Variants in DENND4A observed in about 807,000 individuals in gnomAD.
DENND4A encodes C-myc promoter-binding protein.
Under a neutral mutation model 199.3 loss-of-function variants are expected in DENND4A, and 70 were observed. The ratio of observed to expected loss-of-function variants is 0.35; its 90% CI spans 0.29 to 0.43. DENND4A has a LOEUF of 0.43. DENND4A is among the 20% of genes least tolerant of loss of function. The pLI, the probability that DENND4A is intolerant of heterozygous loss-of-function variation, is 1.00. For synonymous variants in DENND4A, 686 were observed against 766.9 expected (o/e 0.89, Z 1.74); for missense variants, 1,723 against 2,255.8 (o/e 0.76, Z 4.78).
chr15:65,759,870 T>C (rs1249512048), intron 2 of DENND4A, among the ~76,000 whole-genome samples: 1 of 152,276 alleles, frequency 6.6e-6, no homozygotes, highest in Non-Finnish European at 1.5e-5. Context: ...TTTTATTTTA[T>C]GGATATACCA....
intron 23 of DENND4A, among the ~76,000 whole-genome samples, chr15:65,679,458 T>C (rs1056486960): frequency 2.6e-5 from 4 of 152,216 alleles, no homozygotes; most frequent in Admixed American, 2.0e-4. Flanking sequence ...GTGTTTGCTA[T>C]AGTTTTTTGA....
chr15:65,723,836 C>T (rs573260468), intron 11 of DENND4A, among the ~76,000 whole-genome samples: 1 of 152,250 alleles, frequency 6.6e-6, no homozygotes, highest in South Asian at 2.1e-4. Context: ...TACTTTCAGA[C>T]TATAGTTGGC....
In DENND4A at chr15:65,691,364, T is replaced by C; in HGVS notation, c.3230A>G (p.Asn1077Ser). 1 of 1,613,634 alleles carries C rather than the reference T, an allele frequency of 6.2e-7. No individual in the cohort carries two copies. Residue 1077 changes from asparagine to serine, a missense_variant, in exon 23 of 33, where the codon AAT becomes AGT. Coordinates refer to ENST00000443035, the MANE Select transcript of DENND4A (RefSeq NM_001320835.1). ...QQVVWGNRNRNLSGGVLMGFM... is the reference protein window; with the variant it reads ...QQVVWGNRNRSLSGGVLMGFM... ...TCCCATCAGTACCCCTCCACTAAGA[T>C]TACGGTTTCTATTTCCCCAGACCAC... is the stretch of plus-strand genomic sequence containing the variant.
At position 65,693,213 on chromosome 15, in the gene DENND4A, T is replaced by G. The variant is rs183736524; in HGVS notation, c.3083-1702A>C. Among the ~76,000 whole-genome samples, 103 of 152,252 alleles carry G rather than the reference T, an allele frequency of 6.8e-4. 1 individual carries two copies. The Middle Eastern group carries it at 0.017, about 25-fold the overall frequency. On this transcript the variant is annotated intron_variant, in intron 22 of 32. Transcript: ENST00000443035. ...GGCTCTATGACATAATTCCGGCCAG[T>G]GATATTAAGGTATAGTTTTTGAGGG...
intron 29 of DENND4A, 47 bp downstream of exon 29, chr15:65,667,402 C>T: frequency 6.3e-7 from 1 of 1,576,550 alleles, no homozygotes; most frequent in Non-Finnish European, 8.7e-7. Context: ...GCAAACATTA[C>T]AATGGTAACA....
chr15:65,771,832 T>G (rs2140887840), intron 1 of DENND4A: 1 of 1,613,152 alleles, frequency 6.2e-7, no homozygotes, highest in Non-Finnish European at 8.5e-7. Context: ...CTTTTCTGGA[T>G]TACTTAAAAC....
At chr15:65,776,599 A>G (rs1037012192) in intron 1 of DENND4A, among the ~76,000 whole-genome samples, 11 of 152,188 alleles carry the variant, frequency 7.2e-5, no homozygotes, top group African/African-American at 2.7e-4. Context: ...GTCCTGTATC[A>G]TTCCCCTTCC....
At chr15:65,780,051 A>G (rs1297603899) in intron 1 of DENND4A, among the ~76,000 whole-genome samples, 1 of 151,970 alleles carries the variant, frequency 6.6e-6, no homozygotes, top group Non-Finnish European at 1.5e-5. Flanking sequence ...GAAAAAAAAA[A>G]TTTAAGTAAA....
intron 1 of DENND4A, among the ~76,000 whole-genome samples, chr15:65,784,468 A>AT (rs1293539476): frequency 6.6e-6 from 1 of 151,984 alleles, no homozygotes; most frequent in African/African-American, 2.4e-5. Flanking sequence ...AAAAAAAAAA[A>AT]ATAGGGGAAA....
chr15:65,674,333 T>C (rs1297991643), intron 24 of DENND4A, among the ~76,000 whole-genome samples: 4 of 152,188 alleles, frequency 2.6e-5, no homozygotes, highest in Non-Finnish European at 5.9e-5. Context: ...TCTATGGTGT[T>C]AGAAGTTAAT....
chr15:65,761,696 A>G lies in DENND4A; in HGVS notation c.-101-258T>C, dbSNP rs12915715. 4.2e-4 allele frequency among the ~76,000 whole-genome samples: 62 copies of G among 146,758 alleles called. No homozygotes were observed. The East Asian group carries it at 0.012, about 29-fold the overall frequency. On this transcript the variant is annotated intron_variant, in intron 1 of 32. Transcript: ENST00000443035. The stretch of plus-strand genomic sequence containing the variant: ...AAGAAAAAACTAGCAGATAAGGGGG[A>G]AAAAAAGAAAGCAAGAAGAATAAAT...
intron 7 of DENND4A, among the ~76,000 whole-genome samples, chr15:65,735,421 A>G (rs1233461642): frequency 6.6e-6 from 1 of 152,142 alleles, no homozygotes; most frequent in East Asian, 1.9e-4. Context: ...ACAAAAAATT[A>G]TATGATGTCA....
At chr15:65,723,750 A>G (rs574081363) in intron 11 of DENND4A, among the ~76,000 whole-genome samples, 67 of 152,346 alleles carry the variant, frequency 4.4e-4, no homozygotes, top group African/African-American at 1.4e-3. Context: ...AAATAGAATT[A>G]TAACAATATA....
At chr15:65,744,494 T>C (rs970337057) in intron 4 of DENND4A, among the ~76,000 whole-genome samples, 1 of 152,102 alleles carries the variant, frequency 6.6e-6, no homozygotes, top group Admixed American at 6.6e-5. Flanking sequence ...TCAAACATCA[T>C]CTTATCAGAG....
At chr15:65,711,930 T>A (rs1192287176) in intron 14 of DENND4A, among the ~76,000 whole-genome samples, 1 of 152,156 alleles carries the variant, frequency 6.6e-6, no homozygotes, top group Non-Finnish European at 1.5e-5. Flanking sequence ...TAGTAATTGC[T>A]CTAGGGATTA....
intron 1 of DENND4A, among the ~76,000 whole-genome samples, chr15:65,762,582 T>G (rs905460823): frequency 6.6e-6 from 1 of 152,144 alleles, no homozygotes; most frequent in African/African-American, 2.4e-5. Context: ...TGAGCCCTGA[T>G]CACACCACTG....
At chr15:65,715,437 C>A (rs767470672) in intron 14 of DENND4A, 41 bp downstream of exon 14, 5 of 1,547,080 alleles carry the variant, frequency 3.2e-6, no homozygotes, top group South Asian at 1.2e-5. Flanking sequence ...ATAACAGTCA[C>A]ACAAAATAAG....
At chr15:65,756,534 G>T in intron 2 of DENND4A, 62 bp from the exon 3 acceptor site, 1 of 1,295,620 alleles carries the variant, frequency 7.7e-7, no homozygotes, top group Non-Finnish European at 1.1e-6. Context: ...CAAGTGGTTT[G>T]TGTGCAAATA....
In DENND4A at chr15:65,685,405, C is replaced by CGGTG. The variant is rs2076739600; in HGVS notation, c.4179+5009_4179+5010insCACC. Among the ~76,000 whole-genome samples the CGGTG allele has an allele frequency of 2.0e-5, 3 of 152,258 alleles. No homozygotes were observed. In the South Asian group the frequency reaches 6.2e-4, roughly 32 times the overall value. ...CCTCCCAAAGTGTTGGGATTACAGG[C>CGGTG]GTGAGCCACCGCCAGCCCACAATTT... is the stretch of plus-strand genomic sequence containing the variant. On this transcript the variant is annotated intron_variant, in intron 23 of 32. Transcript: ENST00000443035.
Sources: gnomAD v4.1 joint callset for allele counts (sites outside exome capture counted in the v4.1 genomes callset) on GRCh38, gnomAD v4.1.1 for gene constraint, MANE v1.5 for transcripts, NCBI Gene and HGNC (gene_info 2026-07-23, HGNC 2026-07-21) for gene names.